The following CCR7 variants were observed in gnomAD, a reference collection of about 807,000 sequenced individuals.
CCR7 encodes C-C chemokine receptor type 7.
CCR7 carries 11 observed loss-of-function variants against 26.0 expected under a neutral mutation model. That is an observed-to-expected ratio of 0.42 (90% CI 0.27 to 0.70). CCR7 has a LOEUF of 0.70. Among genes scored for constraint, CCR7 ranks in the 30% least tolerant of loss-of-function variants. The pLI is 0.23. For synonymous variants in CCR7, 189 were observed against 202.1 expected (o/e 0.94, Z 0.55); for missense variants, 360 against 504.0 (o/e 0.71, Z 2.74).
At chr17:40,560,328 C>G (rs928673556) in intron 1 of CCR7, among the ~76,000 whole-genome samples, 1 of 152,186 alleles carries the variant, frequency 6.6e-6, no homozygotes, top group African/African-American at 2.4e-5. Context: ...TGAAGGCAGG[C>G]CCTTGGCAGC....
intron 2 of CCR7, among the ~76,000 whole-genome samples, chr17:40,557,225 T>C (rs1156825393): frequency 1.3e-5 from 2 of 152,316 alleles, no homozygotes; most frequent in Middle Eastern, 3.4e-3. Context: ...ATTTTATCAA[T>C]GAAGGAGGGG....
chr17:40,562,409 G>T (rs1263146716), intron 1 of CCR7, among the ~76,000 whole-genome samples: 1 of 152,120 alleles, frequency 6.6e-6, no homozygotes, highest in Non-Finnish European at 1.5e-5. Flanking sequence ...GCTCCACGGA[G>T]CATGAGGGGA....
chr17:40,555,123 C>T lies in CCR7; in HGVS notation c.756G>A (p.Gln252=), dbSNP rs1035828470. 7 of 1,614,074 alleles carry T rather than the reference C, an allele frequency of 4.3e-6. No homozygotes were observed. The highest frequency in any genetic ancestry group is 4.0e-5 in the African/African-American group (3 of 74,922). ...CYLVIIRTLL[Q]ARNFERNKAI... is the part of the protein sequence containing the mutation. ...CCTTGTTGCGCTCAAAGTTGCGTGC[C>T]TGGAGCAGGGTGCGGATGATGACAA... The change falls in exon 3 of 3, where the codon CAG becomes CAA. Residue 252 remains glutamine, a synonymous_variant. Coordinates refer to ENST00000246657, the MANE Select transcript of CCR7 (RefSeq NM_001838.4). This position sits in a 1 kb window ranked among gnomAD's most constrained non-coding sequence, Gnocchi z 5.6.
intron 2 of CCR7, 107 bp downstream of exon 2, chr17:40,558,786 G>A (rs2036620486): frequency 3.2e-6 from 3 of 944,792 alleles, no homozygotes; most frequent in South Asian, 1.4e-5. Context: ...GCGGGCTTAT[G>A]TCTGGGTCTT....
chr17:40,563,155 G>A (rs1166700462), intron 1 of CCR7, among the ~76,000 whole-genome samples: 2 of 152,136 alleles, frequency 1.3e-5, no homozygotes, highest in Non-Finnish European at 2.9e-5. Context: ...TGTGACATAT[G>A]TGTCACTCTC....
At chr17:40,564,229 C>T (rs2036683373) in intron 1 of CCR7, among the ~76,000 whole-genome samples, 2 of 152,220 alleles carry the variant, frequency 1.3e-5, no homozygotes, top group South Asian at 2.1e-4. Flanking sequence ...ATTCCGCAGA[C>T]ATTTTCTCCT....
chr17:40,558,807 G>T, intron 2 of CCR7, 86 bp downstream of exon 2: 1 of 1,191,388 alleles, frequency 8.4e-7, no homozygotes, highest in Non-Finnish European at 1.2e-6. Context: ...GTATCTTCTA[G>T]CAAATGCCCA....
Position 40,554,497 on chromosome 17 carries a change from G to C in CCR7, c.*245C>G. The stretch of plus-strand genomic sequence containing the variant: ...TCAGTTTTTGGTTTAGGGGACAATA[G>C]CCTCTGTTTCCCAGTGTTGTCTGTC... On this transcript the variant is annotated 3_prime_UTR_variant, in exon 3 of 3. Coordinates refer to ENST00000246657, the MANE Select transcript of CCR7 (RefSeq NM_001838.4). 1.9e-6 allele frequency: 1 copy of C among 525,692 alleles called. No individual in the cohort carries two copies. The highest frequency in any genetic ancestry group is 3.4e-6 in the Non-Finnish European group (1 of 297,398). The allele number at this position is 525,692 out of a possible 1,614,324, so 32.6% of individuals were successfully genotyped here.
chr17:40,560,240 C>CT (rs1418617879), intron 1 of CCR7, among the ~76,000 whole-genome samples: 1 of 152,256 alleles, frequency 6.6e-6, no homozygotes, highest in Non-Finnish European at 1.5e-5. Flanking sequence ...CAGTAGCCCT[C>CT]TTCCCGTATC....
chr17:40,562,146 A>G (rs2036662040), intron 1 of CCR7, among the ~76,000 whole-genome samples: 1 of 152,168 alleles, frequency 6.6e-6, no homozygotes, highest in South Asian at 2.1e-4. Context: ...CTCCAACTCC[A>G]GCAACCACAC....
Position 40,554,663 on chromosome 17 carries a change from C to T in CCR7, c.*79G>A. The T allele has an allele frequency of 8.9e-7, 1 of 1,125,412 alleles. No individual in the cohort carries two copies. Among genetic ancestry groups the T allele is most frequent in the Non-Finnish European group, 1.3e-6 (1 of 778,024 alleles). The allele number at this position is 1,125,412 out of a possible 1,614,324, so 69.7% of individuals were successfully genotyped here. On this transcript the variant is annotated 3_prime_UTR_variant, in exon 3 of 3. Transcript: ENST00000246657. The stretch of plus-strand genomic sequence containing the variant: ...TGAGCAGCTTTTGGCGGGGGGATGT[C>T]CTGAGTCATTGCATCTGCTCCCTAT...
At chr17:40,562,944 T>C (rs569693843) in intron 1 of CCR7, among the ~76,000 whole-genome samples, 1 of 152,314 alleles carries the variant, frequency 6.6e-6, no homozygotes, top group Admixed American at 6.5e-5. Context: ...ATTCCCTCTA[T>C]TACCTTGTCG....
intron 2 of CCR7, 61 bp downstream of exon 2, chr17:40,558,831 AC>A: frequency 6.9e-7 from 1 of 1,458,802 alleles, no homozygotes; most frequent in Non-Finnish European, 9.6e-7. Context: ...CCTCCACTAA[AC>A]CCCTGACTTG....
In CCR7 at chr17:40,565,453, G is replaced by C. The variant is rs757093435; in HGVS notation, c.-44C>G. On this transcript the variant is annotated 5_prime_UTR_variant, in exon 1 of 3. Coordinates refer to ENST00000246657, the MANE Select transcript of CCR7 (RefSeq NM_001838.4). ...AAACCACACAGGAAGGCTGTGCCCG[G>C]CCTCGCACTACCCCTGTCTGGGGAG... 5 of 1,605,694 alleles carry C rather than the reference G, an allele frequency of 3.1e-6. No homozygotes were observed. Among genetic ancestry groups the C allele is most frequent in the African/African-American group, 1.3e-5 (1 of 74,748 alleles).
rs147182022 is a variant in CCR7, at chr17:40,562,924, C to T, written c.10+2476G>A. ...ACTCTACTCCCCTCCACTTCCTGCA[C>T]CTTATGCCCATTCCCTCTATTACCT... On this transcript the variant is annotated intron_variant, in intron 1 of 2. Coordinates refer to ENST00000246657, the MANE Select transcript of CCR7 (RefSeq NM_001838.4). 3.5e-3 allele frequency among the ~76,000 whole-genome samples: 539 copies of T among 152,298 alleles called. 5 individuals are homozygous for T. Among genetic ancestry groups the T allele is most frequent in the African/African-American group, 0.013 (526 of 41,560 alleles).
chr17:40,564,832 C>T (rs957883358), intron 1 of CCR7, among the ~76,000 whole-genome samples: 10 of 152,220 alleles, frequency 6.6e-5, no homozygotes, highest in Non-Finnish European at 1.2e-4. Flanking sequence ...GTGGGATGTG[C>T]AGCAGAGAGA....
intron 2 of CCR7, 149 bp downstream of exon 2, chr17:40,558,744 G>A: frequency 1.4e-6 from 1 of 704,982 alleles, no homozygotes; most frequent in Non-Finnish European, 2.6e-6. Context: ...AGCAGATGGT[G>A]AGGGGGCAGC....
chr17:40,554,754 G>A lies in CCR7; in HGVS notation c.1125C>T (p.Thr375=), dbSNP rs140172763. The A allele has an allele frequency of 6.8e-6, 11 of 1,608,304 alleles. No individual in the cohort carries two copies. Among genetic ancestry groups the A allele is most frequent in the African/African-American group, 6.7e-5 (5 of 74,708 alleles). Residue 375 remains threonine (T), a synonymous_variant, in exon 3 of 3, where the codon ACC becomes ACT. Coordinates refer to ENST00000246657, the MANE Select transcript of CCR7 (RefSeq NM_001838.4). ...SMSVEAETTT[T]FSP is the part of the protein sequence containing the mutation. The stretch of plus-strand genomic sequence containing the variant: ...GCAGAAGAGTCGCCTATGGGGAGAA[G>A]GTGGTGGTGGTCTCGGCCTCCACAC...
rs1399630591 is a variant in CCR7 at position 40,555,098 on chromosome 17, C to A, written c.781G>T (p.Ala261Ser). The A allele has an allele frequency of 8.1e-6, 13 of 1,613,990 alleles. No homozygotes were observed. Among genetic ancestry groups the A allele is most frequent in the Non-Finnish European group, 1.0e-5 (12 of 1,180,040 alleles). Residue 261 changes from alanine to serine, a missense_variant, in exon 3 of 3, where the codon GCC (alanine) becomes TCC (serine). Physicochemically the swap from Ala to Ser is moderately conservative, Grantham distance 99 (BLOSUM62 1). Transcript: ENST00000246657. This position sits in a 1 kb window ranked among gnomAD's most constrained non-coding sequence, Gnocchi z 5.6. The stretch of plus-strand genomic sequence containing the variant: ...ACCACAGCGATGATCACCTTGATGG[C>A]CTTGTTGCGCTCAAAGTTGCGTGCC... The part of the protein sequence containing the change: ...LQARNFERNK[A>S]IKVIIAVVVV...
Sources: allele counts gnomAD v4.1 joint callset (sites outside exome capture counted in the v4.1 genomes callset), GRCh38; gene constraint gnomAD v4.1.1; non-coding constraint Gnocchi (gnomAD v3.1); transcripts MANE v1.5; gene names NCBI Gene and HGNC (gene_info 2026-07-23, HGNC 2026-07-21).